Variants in MFSD11 observed in about 807,000 individuals in gnomAD.
MFSD11 encodes UNC93-like protein MFSD11.
Under a neutral mutation model 53.5 loss-of-function variants are expected in MFSD11, and 36 were observed. The observed-to-expected ratio is 0.67, with a 90% CI of 0.52 to 0.89. The LOEUF (loss-of-function observed/expected upper bound fraction) is 0.89, where lower values mean the gene tolerates loss of function less well. Ranked by LOEUF, MFSD11 falls within the 40% of genes least tolerant of loss-of-function variation. The pLI is 0.00. For synonymous variants in MFSD11, 186 were observed against 184.9 expected (o/e 1.01, Z -0.05); for missense variants, 530 against 543.9 (o/e 0.97, Z 0.25).
chr17:76,766,434 A>G (rs1057303941), intron 8 of MFSD11, among the ~76,000 whole-genome samples: 1 of 151,624 alleles, frequency 6.6e-6, no homozygotes, highest in Admixed American at 6.6e-5. Context: ...AAAAAAAAAA[A>G]AAGAAAGAAA....
downstream of MFSD11, among the ~76,000 whole-genome samples, chr17:76,784,732 C>G (rs1304975314): frequency 1.3e-5 from 2 of 152,024 alleles, no homozygotes; most frequent in Non-Finnish European, 2.9e-5. Flanking sequence ...AACCCTGTCT[C>G]TACTAAAAAT....
chr17:76,763,752 T>C (rs2080519401), intron 8 of MFSD11, among the ~76,000 whole-genome samples: 1 of 152,190 alleles, frequency 6.6e-6, no homozygotes, highest in African/African-American at 2.4e-5. Context: ...GACTTTTCAT[T>C]TTCTTGATAG....
Position 76,776,071 on chromosome 17 carries a change from G to A in MFSD11, c.1050-335G>A, listed in dbSNP as rs568676610. On this transcript the variant is annotated intron_variant, in intron 11 of 12. Transcript: ENST00000685175. This position sits in a 1 kb window ranked among gnomAD's most constrained non-coding sequence, Gnocchi z 4.2. The stretch of plus-strand genomic sequence containing the variant: ...TCCGCTCACTGCAACCTCCACCTCC[G>A]GGGTTCAAGTGATTCTCGTGTCTCA... Among the ~76,000 whole-genome samples the A allele has an allele frequency of 9.2e-5, 14 of 152,174 alleles. No individual in the cohort carries two copies. Among genetic ancestry groups the A allele is most frequent in the African/African-American group, 2.4e-4 (10 of 41,504 alleles).
rs2082072992 is a variant in MFSD11, at chr17:76,779,097, A to T, written c.*745A>T. The T allele has an allele frequency of 6.6e-6, 1 of 152,030 alleles. No homozygotes were observed. The highest frequency in any genetic ancestry group is 1.5e-5 in the Non-Finnish European group (1 of 68,048). 9.4% of individuals were successfully genotyped at this position (152,030 alleles called of 1,614,324 possible). Reference sequence around the variant, plus strand: ...GTGAAACCTCATCTCTACTAAAAATACAAAAATGTGTTGGGTTTGGTGGTG... The same window carrying T: ...GTGAAACCTCATCTCTACTAAAAATTCAAAAATGTGTTGGGTTTGGTGGTG... On this transcript the variant is annotated 3_prime_UTR_variant, in exon 13 of 13. Coordinates refer to ENST00000685175, the MANE Select transcript of MFSD11 (RefSeq NM_001242532.5).
At position 76,767,365 on chromosome 17, in the gene MFSD11, CTT is replaced by C. The variant is rs1047349694; in HGVS notation, c.683-20_683-19del. ...ATTAACTAAAATCTAATTAAGTACTCTTAAATTTTTGTGTTTACAGAAAAGTC... is the reference window on the plus strand; with the variant it reads ...ATTAACTAAAATCTAATTAAGTACTCAAATTTTTGTGTTTACAGAAAAGTC... On this transcript the variant is annotated intron_variant, in intron 8 of 12. Transcript: ENST00000685175. 9.9e-6 allele frequency: 15 copies of C among 1,509,892 alleles called. No homozygotes were observed. Among genetic ancestry groups the C allele is most frequent in the Non-Finnish European group, 1.4e-5 (15 of 1,091,752 alleles). 93.5% of individuals were successfully genotyped at this position (1,509,892 alleles called of 1,614,324 possible). A position where few individuals can be genotyped will look rare whatever the true frequency, so the allele number is the denominator to read the frequency against.
At chr17:76,774,653 G>A (rs1403697062) in intron 10 of MFSD11, among the ~76,000 whole-genome samples, 1 of 152,152 alleles carries the variant, frequency 6.6e-6, no homozygotes. Context: ...GTTTGGCTAT[G>A]ATTGCAACAA....
upstream of MFSD11, chr17:76,737,792 G>C (rs1340380187): frequency 6.2e-6 from 1 of 161,582 alleles, no homozygotes; most frequent in Non-Finnish European, 1.3e-5. Context: ...TCTCGGCCCC[G>C]TCCAGCCGTT....
the MFSD11 span, among the ~76,000 whole-genome samples, chr17:76,792,123 C>T: frequency 1.7e-4 from 21 of 126,692 alleles, 1 homozygote; most frequent in Non-Finnish European, 3.0e-4. Context: ...TACCAGGCAC[C>T]CTTTTTTTTT....
At chr17:76,741,364 T>G (rs1420970640) in intron 3 of MFSD11, among the ~76,000 whole-genome samples, 1 of 152,172 alleles carries the variant, frequency 6.6e-6, no homozygotes. Flanking sequence ...ATGTGGGGAT[T>G]CAAATGAAAT....
chr17:76,739,193 C>T (rs2144032041), intron 2 of MFSD11, among the ~76,000 whole-genome samples, 200 bp downstream of exon 2: 1 of 152,296 alleles, frequency 6.6e-6, no homozygotes, highest in Non-Finnish European at 1.5e-5. Context: ...GTTTGAAATC[C>T]TGACTCTACA....
At position 76,776,359 on chromosome 17, in the gene MFSD11, G is replaced by T. The variant is rs762323065; in HGVS notation, c.1050-47G>T. ...GTGGGTTGCTTGTATATTTTAAATG[G>T]CTCTAGCAGATATTGCTCATACTAA... is the stretch of plus-strand genomic sequence containing the variant. On this transcript the variant is annotated intron_variant, in intron 11 of 12. Coordinates refer to ENST00000685175, the MANE Select transcript of MFSD11 (RefSeq NM_001242532.5). The surrounding 1 kb of genome is among the most constrained non-coding windows in gnomAD (Gnocchi z 4.2). 6.3e-6 allele frequency: 10 copies of T among 1,599,226 alleles called. No homozygotes were observed. Among genetic ancestry groups the T allele is most frequent in the South Asian group, 3.4e-5 (3 of 89,502 alleles).
At chr17:76,738,912 G>T in intron 1 of MFSD11, 26 bp from the exon 2 acceptor site, 1 of 1,607,706 alleles carries the variant, frequency 6.2e-7, no homozygotes, top group Non-Finnish European at 8.5e-7. Context: ...AAACATTTTC[G>T]TTGATTAGTT....
the MFSD11 span, among the ~76,000 whole-genome samples, chr17:76,788,058 T>C: frequency 1.3e-5 from 2 of 148,610 alleles, no homozygotes; most frequent in African/African-American, 5.0e-5. Flanking sequence ...TCTGTCACCC[T>C]GGGTGGAGTG....
chr17:76,781,987 A>C (rs62086812), downstream of MFSD11, among the ~76,000 whole-genome samples: 2 of 138,052 alleles, frequency 1.4e-5, no homozygotes, highest in African/African-American at 3.4e-5. Context: ...ATGCCTGGAT[A>C]ATTTTTTTTT....
the MFSD11 span, among the ~76,000 whole-genome samples, chr17:76,789,580 T>G: frequency 0.02 from 3,067 of 150,116 alleles, 232 homozygotes; most frequent in African/African-American, 0.069. Context: ...ACTGGGAGAC[T>G]GCAGGTCCCT....
At chr17:76,763,922 G>A (rs1410174204) in intron 8 of MFSD11, among the ~76,000 whole-genome samples, 1 of 151,910 alleles carries the variant, frequency 6.6e-6, no homozygotes, top group Admixed American at 6.6e-5. Flanking sequence ...GAGTACAGTG[G>A]CATGATCTCA....
rs1281800731 is a variant in MFSD11, at chr17:76,743,385, T to C, written c.438-13T>C. ...AATTACCCAACATCCTATCCTCCCT[T>C]TTCTTCCCCCAGCTTGTTCTTTGGA... On this transcript the variant is annotated splice_polypyrimidine_tract_variant and intron_variant, in intron 5 of 12. Coordinates refer to ENST00000685175, the MANE Select transcript of MFSD11 (RefSeq NM_001242532.5). 1 of 1,554,840 alleles carries C rather than the reference T, an allele frequency of 6.4e-7. No individual in the cohort carries two copies. The highest frequency in any genetic ancestry group is 8.7e-7 in the Non-Finnish European group (1 of 1,145,254).
downstream of MFSD11, among the ~76,000 whole-genome samples, chr17:76,780,171 G>T (rs538282712): frequency 4.6e-5 from 7 of 152,220 alleles, no homozygotes; most frequent in South Asian, 1.0e-3. Flanking sequence ...CCACCACAAT[G>T]ATCTAATTCC....
intron 11 of MFSD11, among the ~76,000 whole-genome samples, chr17:76,775,955 A>G (rs1228615799): frequency 6.6e-6 from 1 of 152,092 alleles, no homozygotes; most frequent in Non-Finnish European, 1.5e-5. Context: ...TGTAAATTCT[A>G]GTCTTTATGT....
Sources: gnomAD v4.1 joint callset for allele counts (sites outside exome capture counted in the v4.1 genomes callset) on GRCh38, gnomAD v4.1.1 for gene constraint, Gnocchi (gnomAD v3.1) non-coding constraint, MANE v1.5 for transcripts, NCBI Gene and HGNC (gene_info 2026-07-23, HGNC 2026-07-21) for gene names.